Variants in GALNT16 observed in about 807,000 individuals in gnomAD.
The protein encoded by GALNT16 is UDP-GalNAc:polypeptide N-acetylgalactosaminyltransferase-like protein 1.
In GALNT16, 40 loss-of-function variants were observed where a neutral mutation model predicts 76.1. That is an observed-to-expected ratio of 0.53 (90% CI 0.41 to 0.68). The LOEUF (loss-of-function observed/expected upper bound fraction) is 0.68. Among genes scored for constraint, GALNT16 ranks in the 30% least tolerant of loss-of-function variants. The pLI is 0.00. For missense variants in GALNT16, 621 were observed against 731.9 expected, an observed-to-expected ratio of 0.85 and a Z score of 1.75; for synonymous variants, 276 against 285.2, an observed-to-expected ratio of 0.97 and a Z score of 0.32.
chr14:69,283,476 A>G (rs2044570547), intron 1 of GALNT16, among the ~76,000 whole-genome samples: 1 of 152,262 alleles, frequency 6.6e-6, no homozygotes, highest in African/African-American at 2.4e-5. Flanking sequence ...CCAGGGTCAC[A>G]CTTGGCCTCT....
At chr14:69,368,298 T>G in the GALNT16 span, among the ~76,000 whole-genome samples, 9 of 152,218 alleles carry the variant, frequency 5.9e-5, no homozygotes, top group Non-Finnish European at 1.5e-5. Context: ...TATCTCACAG[T>G]TTCCATGGGT....
rs11433868 is a variant in GALNT16, at chr14:69,297,631, CA to C, written c.178-23069del. ...ATTAGTATTATGTATTTGGAAAAGC[CA>C]AAAAAAAAAACAAACTACAAAGAAA... is the stretch of plus-strand genomic sequence containing the variant. On this transcript the variant is annotated intron_variant, in intron 1 of 14. Coordinates refer to ENST00000448469, the MANE Select transcript of GALNT16 (RefSeq NM_001168368.2). 5.5e-4 allele frequency among the ~76,000 whole-genome samples: 79 copies of C among 144,460 alleles called. 1 individual carries two copies. The highest frequency in any genetic ancestry group is 3.6e-3 in the Middle Eastern group (1 of 280). The allele number at this position is 144,460 out of a possible 152,430, so 94.8% of individuals were successfully genotyped here. A position where few individuals can be genotyped will look rare whatever the true frequency, so the allele number is the denominator to read the frequency against.
At chr14:69,368,152 C>G in the GALNT16 span, among the ~76,000 whole-genome samples, 1 of 152,064 alleles carries the variant, frequency 6.6e-6, no homozygotes, top group Non-Finnish European at 1.5e-5. Flanking sequence ...AAACCTCCTG[C>G]CTCCTTTTTC....
chr14:69,312,071 A>G (rs1042440596), intron 1 of GALNT16, among the ~76,000 whole-genome samples: 93 of 136,962 alleles, frequency 6.8e-4, no homozygotes, highest in African/African-American at 2.4e-3. Context: ...CTATCTATCT[A>G]TCTATCTATC....
intron 1 of GALNT16, among the ~76,000 whole-genome samples, chr14:69,312,050 A>C (rs2045029582): frequency 7.7e-6 from 1 of 130,458 alleles, no homozygotes; most frequent in Non-Finnish European, 1.7e-5. Flanking sequence ...AAAAAAAAAA[A>C]AAAAATCTGT....
chr14:69,384,329 G>C, the GALNT16 span, among the ~76,000 whole-genome samples: 3 of 152,162 alleles, frequency 2.0e-5, no homozygotes, highest in Non-Finnish European at 4.4e-5. Context: ...GGAGTCTTAT[G>C]AACTAGATTT....
At chr14:69,368,100 A>G in the GALNT16 span, among the ~76,000 whole-genome samples, 1 of 152,218 alleles carries the variant, frequency 6.6e-6, no homozygotes, top group East Asian at 1.9e-4. Context: ...AAGAGGACAG[A>G]CTATTAGAGG....
chr14:69,367,125 A>C, the GALNT16 span, among the ~76,000 whole-genome samples: 1 of 152,146 alleles, frequency 6.6e-6, no homozygotes, highest in Admixed American at 6.5e-5. Flanking sequence ...TGTGGTCCGT[A>C]CAGGGAACAG....
intron 9 of GALNT16, among the ~76,000 whole-genome samples, chr14:69,336,914 A>AT (rs2045422545): frequency 1.3e-5 from 2 of 151,266 alleles, no homozygotes; most frequent in East Asian, 1.9e-4. Flanking sequence ...TTTAGTAGAG[A>AT]CGGGGTTTCA....
intron 1 of GALNT16, among the ~76,000 whole-genome samples, chr14:69,281,127 G>A (rs1010292062): frequency 5.9e-5 from 9 of 151,912 alleles, no homozygotes; most frequent in South Asian, 2.1e-4. Context: ...CAGAGTCCGC[G>A]ATCGTACTTG....
At chr14:69,268,655 AG>A (rs2044368368) in intron 1 of GALNT16, among the ~76,000 whole-genome samples, 1 of 150,826 alleles carries the variant, frequency 6.6e-6, no homozygotes, top group East Asian at 1.9e-4. Context: ...CAAGCTCTCA[AG>A]GGGCTCATAT....
chr14:69,281,316 G>C (rs912310192), intron 1 of GALNT16, among the ~76,000 whole-genome samples: 1 of 152,112 alleles, frequency 6.6e-6, no homozygotes, highest in East Asian at 1.9e-4. Context: ...ACTCAGAGAG[G>C]GTGTGACAGC....
chr14:69,327,829 G>C (rs1015476726), intron 5 of GALNT16, among the ~76,000 whole-genome samples: 9 of 152,218 alleles, frequency 5.9e-5, no homozygotes, highest in Admixed American at 5.2e-4. Context: ...GGCTGGTGAG[G>C]CTATCGGGGG....
intron 1 of GALNT16, among the ~76,000 whole-genome samples, chr14:69,311,566 G>A (rs1312054491): frequency 6.6e-6 from 1 of 152,122 alleles, no homozygotes; most frequent in Admixed American, 6.5e-5. Flanking sequence ...ATCTGCCTTT[G>A]TCATGCTCTG....
intron 1 of GALNT16, among the ~76,000 whole-genome samples, chr14:69,316,663 A>T (rs2045104456): frequency 6.7e-6 from 1 of 149,298 alleles, no homozygotes; most frequent in African/African-American, 2.5e-5. Context: ...ACAGAAAGAG[A>T]GTGTGGCTGG....
intron 1 of GALNT16, among the ~76,000 whole-genome samples, chr14:69,291,735 A>G (rs942372028): frequency 2.0e-5 from 3 of 152,154 alleles, no homozygotes; most frequent in African/African-American, 7.2e-5. Context: ...GTCCTTCTTC[A>G]CTAGCTGCGT....
chr14:69,313,212 G>T (rs1286614539), intron 1 of GALNT16, among the ~76,000 whole-genome samples: 1 of 152,234 alleles, frequency 6.6e-6, no homozygotes, highest in Non-Finnish European at 1.5e-5. Context: ...TGGCTGGAAG[G>T]ATCAGGTAGG....
chr14:69,275,669 T>A (rs2044462763), intron 1 of GALNT16, among the ~76,000 whole-genome samples: 1 of 152,132 alleles, frequency 6.6e-6, no homozygotes, highest in South Asian at 2.1e-4. Flanking sequence ...CCAGCTTGGG[T>A]AACATAGTAA....
At chr14:69,262,883 CT>C (rs5809423) in intron 1 of GALNT16, among the ~76,000 whole-genome samples, 98,207 of 138,764 alleles carry the variant, frequency 0.71, 35,380 homozygotes, top group East Asian at 0.99. Flanking sequence ...TTCTTTTTTT[CT>C]TTTTTTTTTT....
Sources: allele counts gnomAD v4.1 joint callset (sites outside exome capture counted in the v4.1 genomes callset), GRCh38; gene constraint gnomAD v4.1.1; transcripts MANE v1.5; gene names NCBI Gene and HGNC (gene_info 2026-07-23, HGNC 2026-07-21).